The following TFDP2 variants were observed in gnomAD, a reference collection of about 807,000 sequenced individuals.
TFDP2 encodes the protein transcription factor Dp-2 (E2F dimerization partner 2).
In TFDP2, 17 loss-of-function variants were observed where a neutral mutation model predicts 59.3. The observed-to-expected ratio is 0.29, with a 90% CI of 0.20 to 0.43. The LOEUF is 0.43. Ranked by LOEUF, TFDP2 falls within the 20% of genes least tolerant of loss-of-function variation. TFDP2 has a pLI of 1.00. For missense variants in TFDP2, 391 were observed against 528.8 expected (o/e 0.74, Z 2.56); for synonymous variants, 180 against 194.7 (o/e 0.92, Z 0.63).
chr3:142,011,590 TA>T (rs386398107), intron 3 of TFDP2, among the ~76,000 whole-genome samples: 4,756 of 63,830 alleles, frequency 0.075, 111 homozygotes, highest in South Asian at 0.1. Context: ...TAAAGTATAA[TA>T]AAAAAAAAAA....
At chr3:142,020,982 C>A (rs1354345432) in intron 3 of TFDP2, among the ~76,000 whole-genome samples, 3 of 90,236 alleles carry the variant, frequency 3.3e-5, no homozygotes, top group Non-Finnish European at 8.2e-5. Context: ...AACACCCTGT[C>A]TCAAAAAAAA....
At chr3:141,987,420 T>A (rs2108128258) in intron 6 of TFDP2, among the ~76,000 whole-genome samples, 1 of 152,068 alleles carries the variant, frequency 6.6e-6, no homozygotes, top group South Asian at 2.1e-4. Flanking sequence ...TAGCTGGGAC[T>A]ACAGGTGCAT....
chr3:142,002,324 T>G (rs1002364236), intron 4 of TFDP2, among the ~76,000 whole-genome samples: 1 of 147,730 alleles, frequency 6.8e-6, no homozygotes, highest in South Asian at 2.1e-4. Flanking sequence ...AGTGTTTTTT[T>G]TTTTTTTTTT....
intron 1 of TFDP2, among the ~76,000 whole-genome samples, chr3:142,119,036 C>G (rs1490641481): frequency 6.6e-6 from 1 of 152,090 alleles, no homozygotes; most frequent in African/African-American, 2.4e-5. Flanking sequence ...TGGCAGGCGC[C>G]TGTAATCCCA....
At chr3:142,016,990 C>A (rs771636062) in intron 3 of TFDP2, among the ~76,000 whole-genome samples, 24 of 152,174 alleles carry the variant, frequency 1.6e-4, no homozygotes, top group Non-Finnish European at 2.9e-4. Context: ...TCAACCCATG[C>A]CAACCAAATT....
chr3:142,135,351 T>C (rs2062684724), intron 1 of TFDP2, among the ~76,000 whole-genome samples: 1 of 152,120 alleles, frequency 6.6e-6, no homozygotes, highest in South Asian at 2.1e-4. Flanking sequence ...AAACTATATG[T>C]CATTTCTTGA....
rs545391531 is a variant in TFDP2 at position 142,074,990 on chromosome 3, T to C, written c.82+18071A>G. Among the ~76,000 whole-genome samples, 135 of 152,308 alleles carry C rather than the reference T, an allele frequency of 8.9e-4. 1 individual carries two copies. Among genetic ancestry groups the C allele is most frequent in the African/African-American group, 3.2e-3 (131 of 41,572 alleles). ...AGGAAAGGACAGTCTTTTCAACTAA[T>C]GCTACTAGAAAAACTAGATATCCAC... is the stretch of plus-strand genomic sequence containing the variant. On this transcript the variant is annotated intron_variant, in intron 3 of 12. Transcript: ENST00000489671.
chr3:142,075,446 T>G (rs1047486083), intron 3 of TFDP2, among the ~76,000 whole-genome samples: 1 of 152,178 alleles, frequency 6.6e-6, no homozygotes, highest in Non-Finnish European at 1.5e-5. Context: ...CCAATAAGAT[T>G]TTGTTTTTTC....
At chr3:141,981,942 T>C (rs972685800) in intron 6 of TFDP2, among the ~76,000 whole-genome samples, 5 of 152,160 alleles carry the variant, frequency 3.3e-5, no homozygotes. Flanking sequence ...AATAGTAGAA[T>C]GACCTCTAGA....
At chr3:141,982,975 G>A (rs1472248363) in intron 6 of TFDP2, among the ~76,000 whole-genome samples, 2 of 152,194 alleles carry the variant, frequency 1.3e-5, no homozygotes, top group Non-Finnish European at 2.9e-5. Context: ...CACAAGTTGT[G>A]AGGATGAAAT....
intron 2 of TFDP2, among the ~76,000 whole-genome samples, chr3:142,099,418 C>G (rs991972177): frequency 1.3e-5 from 2 of 151,992 alleles, no homozygotes; most frequent in African/African-American, 4.8e-5. Context: ...TGAAATGACC[C>G]GGGCCAGGCG....
intron 8 of TFDP2, among the ~76,000 whole-genome samples, 171 bp from the exon 9 acceptor site, chr3:141,970,312 C>G (rs1191337540): frequency 3.3e-5 from 5 of 152,054 alleles, no homozygotes; most frequent in Non-Finnish European, 5.9e-5. Context: ...CTGGAGTGAA[C>G]AAGTAGACAC....
intron 8 of TFDP2, among the ~76,000 whole-genome samples, chr3:141,971,251 G>A (rs532449483): frequency 4.6e-5 from 7 of 151,576 alleles, no homozygotes; most frequent in South Asian, 4.2e-4. Context: ...GGCCAGGCGC[G>A]GTGGCTCAGC....
intron 1 of TFDP2, among the ~76,000 whole-genome samples, chr3:142,125,608 T>A (rs1266156168): frequency 6.6e-6 from 1 of 151,906 alleles, no homozygotes; most frequent in Non-Finnish European, 1.5e-5. Context: ...GCTAAACACA[T>A]CATGGCCTAA....
chr3:142,142,968 G>A (rs55828926), intron 1 of TFDP2, among the ~76,000 whole-genome samples: 12,660 of 152,300 alleles, frequency 0.083, 655 homozygotes, highest in Middle Eastern at 0.14. Context: ...GGGCAAGGTG[G>A]CTCACGCCTG....
chr3:141,959,859 T>A lies in TFDP2; in HGVS notation c.885-19A>T. 2 of 1,613,336 alleles carry A rather than the reference T, an allele frequency of 1.2e-6. No individual in the cohort carries two copies. Among genetic ancestry groups the A allele is most frequent in the Non-Finnish European group, 1.7e-6 (2 of 1,179,540 alleles). On this transcript the variant is annotated intron_variant, in intron 10 of 12. Coordinates refer to ENST00000489671, the MANE Select transcript of TFDP2 (RefSeq NM_001178139.2). ...CTCAAACCTGCATCAGGAAACAAAG[T>A]AAAGGGTTTTTGGTGGTGCTGGAGA...
At chr3:142,038,398 A>AG in intron 3 of TFDP2, among the ~76,000 whole-genome samples, 1 of 151,130 alleles carries the variant, frequency 6.6e-6, no homozygotes, top group East Asian at 1.9e-4. Flanking sequence ...AAAAAAAAAA[A>AG]AAAAAAAAAG....
chr3:141,957,731 G>A (rs911865195), intron 11 of TFDP2, among the ~76,000 whole-genome samples: 2 of 152,204 alleles, frequency 1.3e-5, no homozygotes, highest in South Asian at 2.1e-4. Flanking sequence ...CCATGCTGTA[G>A]GGTTCCATTC....
chr3:142,036,989 A>G (rs1946722454), intron 3 of TFDP2, among the ~76,000 whole-genome samples: 1 of 152,252 alleles, frequency 6.6e-6, no homozygotes, highest in Non-Finnish European at 1.5e-5. Context: ...TGAACTCGTT[A>G]TAAGACTCTC....
Sources: allele counts gnomAD v4.1 joint callset (sites outside exome capture counted in the v4.1 genomes callset), GRCh38; gene constraint gnomAD v4.1.1; transcripts MANE v1.5; gene names NCBI Gene and HGNC (gene_info 2026-07-23, HGNC 2026-07-21).